KLC1: variants seen among roughly 807,000 people sequenced by gnomAD.
KLC1 encodes kinesin light chain 1.
In KLC1, 30 loss-of-function variants were observed where a neutral mutation model predicts 84.2. That is an observed-to-expected ratio of 0.36 (90% confidence interval 0.27 to 0.48). The LOEUF (loss-of-function observed/expected upper bound fraction) is 0.48. Ranked by LOEUF, KLC1 falls within the 20% of genes least tolerant of loss-of-function variation. The pLI is 0.99. For missense variants in KLC1, 499 were observed against 805.4 expected, an observed-to-expected ratio of 0.62 and a Z score of 4.60; for synonymous variants, 289 against 293.3, an observed-to-expected ratio of 0.99 and a Z score of 0.15.
intron 1 of KLC1, among the ~76,000 whole-genome samples, chr14:103,630,182 C>T (rs1429406548): frequency 2.0e-5 from 3 of 152,236 alleles, no homozygotes; most frequent in Non-Finnish European, 2.9e-5. Flanking sequence ...CTTGAAGCAG[C>T]CTCCGTCCTG....
chr14:103,644,810 G>A (rs1414169065), intron 1 of KLC1, among the ~76,000 whole-genome samples: 1 of 152,038 alleles, frequency 6.6e-6, no homozygotes, highest in Non-Finnish European at 1.5e-5. Context: ...CAATTTTTTT[G>A]GGGGGTCAAG....
At chr14:103,634,584 G>T (rs2076917864) in intron 1 of KLC1, among the ~76,000 whole-genome samples, 1 of 152,156 alleles carries the variant, frequency 6.6e-6, no homozygotes, top group Admixed American at 6.6e-5. Flanking sequence ...ATCTGGTAGA[G>T]ATGGGGAGTG....
At position 103,687,119 on chromosome 14, in the gene KLC1, C is replaced by T; in HGVS notation, c.1689C>T (p.Ser563=). The T allele has an allele frequency of 1.3e-6, 2 of 1,546,366 alleles. No individual in the cohort carries two copies. Among genetic ancestry groups the T allele is most frequent in the East Asian group, 2.4e-5 (1 of 40,846 alleles). ...TGSLKRSGSF[S]KLRASIRRSS... ...CTTTAAAACGCAGTGGTTCCTTTAGCAAACTCCGGGCTTCCATTAGACGCA... is the reference window on the plus strand; with the variant it reads ...CTTTAAAACGCAGTGGTTCCTTTAGTAAACTCCGGGCTTCCATTAGACGCA... Residue 563 remains serine (S), a synonymous_variant, in exon 14 of 17, where the codon AGC becomes AGT. Transcript: ENST00000334553.
chr14:103,645,492 T>TTGTG (rs963065236), intron 1 of KLC1, among the ~76,000 whole-genome samples: 1 of 152,122 alleles, frequency 6.6e-6, no homozygotes, highest in Non-Finnish European at 1.5e-5. Context: ...CCTAATGCAG[T>TTGTG]TGTGTGTGTG....
intron 1 of KLC1, among the ~76,000 whole-genome samples, chr14:103,636,850 G>A (rs1289307486): frequency 6.6e-6 from 1 of 151,828 alleles, no homozygotes; most frequent in Non-Finnish European, 1.5e-5. Context: ...AGCCTCTGGA[G>A]TAGCTGGGAC....
intron 1 of KLC1, among the ~76,000 whole-genome samples, chr14:103,645,675 G>A (rs4906351): frequency 0.93 from 141,899 of 152,084 alleles, 66,450 homozygotes; most frequent in East Asian, 0.98. Context: ...ATGTGGCTGT[G>A]GTAGGCAGCT....
chr14:103,647,837 C>G (rs944474810), intron 1 of KLC1, among the ~76,000 whole-genome samples: 20 of 148,416 alleles, frequency 1.3e-4, no homozygotes, highest in African/African-American at 4.9e-4. Flanking sequence ...GATTGTGCAA[C>G]TGCACTCCAG....
intron 8 of KLC1, 66 bp downstream of exon 8, chr14:103,673,253 C>A: frequency 6.4e-7 from 1 of 1,563,186 alleles, no homozygotes. Flanking sequence ...CAAACACTTT[C>A]TCATTTAACT....
chr14:103,670,525 T>A (rs1036907161), intron 7 of KLC1, among the ~76,000 whole-genome samples: 2 of 151,896 alleles, frequency 1.3e-5, no homozygotes, highest in Non-Finnish European at 2.9e-5. Context: ...GTAGTAGAGA[T>A]GGGGTTTCAC....
intron 1 of KLC1, among the ~76,000 whole-genome samples, chr14:103,643,782 G>C (rs1347072323): frequency 1.3e-5 from 2 of 151,898 alleles, no homozygotes; most frequent in African/African-American, 4.8e-5. Context: ...ACAAAAATTA[G>C]CCTGGCGTGG....
At chr14:103,635,735 A>C (rs2076997838) in intron 1 of KLC1, among the ~76,000 whole-genome samples, 1 of 152,074 alleles carries the variant, frequency 6.6e-6, no homozygotes, top group African/African-American at 2.4e-5. Flanking sequence ...CCTGGGCGAC[A>C]GAGTGAGACT....
chr14:103,637,189 T>C (rs2077111491), intron 1 of KLC1, among the ~76,000 whole-genome samples: 1 of 152,154 alleles, frequency 6.6e-6, no homozygotes, highest in South Asian at 2.1e-4. Context: ...TGCCTTTTAA[T>C]AAATCAATAC....
intron 1 of KLC1, among the ~76,000 whole-genome samples, chr14:103,648,111 T>G (rs4570760): frequency 6.6e-6 from 1 of 151,574 alleles, no homozygotes; most frequent in Non-Finnish European, 1.5e-5. Context: ...CCACCACGCC[T>G]GGCTAATTTT....
intron 15 of KLC1, among the ~76,000 whole-genome samples, 170 bp downstream of exon 15, chr14:103,692,595 T>G (rs937285683): frequency 3.9e-5 from 6 of 152,244 alleles, no homozygotes; most frequent in African/African-American, 1.4e-4. Flanking sequence ...TATATTCTGC[T>G]TAACCACTGA....
In KLC1 at chr14:103,690,161, A is replaced by G. The variant is rs3742359; in HGVS notation, c.1782-2198A>G. Reference sequence around the variant, plus strand: ...ACACCACTGCACTCCAGCCTGGGCGATGGAGTGAAACTTCGTCTCAAAAAA... The same window carrying G: ...ACACCACTGCACTCCAGCCTGGGCGGTGGAGTGAAACTTCGTCTCAAAAAA... On this transcript the variant is annotated intron_variant, in intron 14 of 16. Coordinates refer to ENST00000334553, the MANE Select transcript of KLC1 (RefSeq NM_001394837.1). 4.0e-4 allele frequency among the ~76,000 whole-genome samples: 61 copies of G among 151,908 alleles called. No individual in the cohort carries two copies. The East Asian group carries it at 0.012, about 29-fold the overall frequency.
intron 13 of KLC1, 86 bp downstream of exon 13, chr14:103,679,631 ACCTTCT>A: frequency 2.1e-6 from 2 of 954,894 alleles, no homozygotes; most frequent in Non-Finnish European, 3.2e-6. Flanking sequence ...CATGTGCTAG[ACCTTCT>A]GCTTTTCTCA....
chr14:103,636,032 T>C lies in KLC1; in HGVS notation c.-2+6538T>C, dbSNP rs74700117. 9.4e-4 allele frequency among the ~76,000 whole-genome samples: 143 copies of C among 152,302 alleles called. 3 individuals are homozygous for C. In the East Asian group the frequency reaches 0.02, roughly 22 times the overall value. On this transcript the variant is annotated intron_variant, in intron 1 of 16. Coordinates refer to ENST00000334553, the MANE Select transcript of KLC1 (RefSeq NM_001394837.1). ...AATTTTTTTCAAAGATGTACCATTTTAACCATTTAAAAGTTCACAATTCAG... is the reference window on the plus strand; with the variant it reads ...AATTTTTTTCAAAGATGTACCATTTCAACCATTTAAAAGTTCACAATTCAG...
rs866358769 is a variant in KLC1 at position 103,682,152 on chromosome 14, C to T, written c.1650+2607C>T. Among the ~76,000 whole-genome samples the T allele has an allele frequency of 1.8e-4, 28 of 152,110 alleles. 1 individual carries two copies. Among genetic ancestry groups the T allele is most frequent in the Middle Eastern group, 6.8e-3 (2 of 294 alleles). On this transcript the variant is annotated intron_variant, in intron 13 of 16. Transcript: ENST00000334553. The stretch of plus-strand genomic sequence containing the variant: ...TTGTGAAGCTGAGGCGGGCAGATCA[C>T]GAGGTCAGGAGATCGAGACTATCCT...
rs530229663 is a variant in KLC1, at chr14:103,694,092, A to G, written c.1848+1667A>G. ...CAGTAAAGCCTGAAGCTTAGCGGACACTGGTCAGTGGGAAGTGAATTCCTT... is the reference window on the plus strand; with the variant it reads ...CAGTAAAGCCTGAAGCTTAGCGGACGCTGGTCAGTGGGAAGTGAATTCCTT... On this transcript the variant is annotated intron_variant, in intron 15 of 16. Coordinates refer to ENST00000334553, the MANE Select transcript of KLC1 (RefSeq NM_001394837.1). This position sits in a 1 kb window ranked among gnomAD's most constrained non-coding sequence, Gnocchi z 4.5. The G allele has an allele frequency of 6.7e-5, 66 of 985,680 alleles. No homozygotes were observed. The highest frequency in any genetic ancestry group is 7.0e-5 in the Non-Finnish European group (58 of 829,350). The allele number at this position is 985,680 out of a possible 1,614,324, so 61.1% of individuals were successfully genotyped here.
Sources: allele counts gnomAD v4.1 joint callset (sites outside exome capture counted in the v4.1 genomes callset), GRCh38; gene constraint gnomAD v4.1.1; non-coding constraint Gnocchi (gnomAD v3.1); transcripts MANE v1.5; gene names NCBI Gene and HGNC (gene_info 2026-07-23, HGNC 2026-07-21).